The following ZNF521 variants were observed in gnomAD, a reference collection of about 807,000 sequenced individuals.
The protein encoded by ZNF521 is LYST-interacting protein 3.
ZNF521 carries 14 observed loss-of-function variants against 105.5 expected under a neutral mutation model. That is an observed-to-expected ratio of 0.13 (90% CI 0.09 to 0.21). The LOEUF is 0.21. Among genes scored for constraint, ZNF521 ranks in the 10% least tolerant of loss-of-function variants. ZNF521 has a pLI of 1.00. For missense variants in ZNF521, 1,233 were observed against 1,629.7 expected (o/e 0.76, Z 4.19); for synonymous variants, 635 against 606.0 (o/e 1.05, Z -0.70).
chr18:25,246,927 A>G (rs1376545488), intron 3 of ZNF521, among the ~76,000 whole-genome samples: 1 of 152,108 alleles, frequency 6.6e-6, no homozygotes, highest in Non-Finnish European at 1.5e-5. Context: ...GCTTGACAAC[A>G]CCCATTCCCA....
intron 4 of ZNF521, chr18:25,201,811 G>A (rs1345452189): frequency 1.3e-5 from 2 of 152,092 alleles, no homozygotes; most frequent in African/African-American, 2.4e-5. Flanking sequence ...ATAGTTAGTT[G>A]TGTGACAAAT....
chr18:25,241,882 A>C (rs1408282338), intron 3 of ZNF521, among the ~76,000 whole-genome samples: 1 of 152,150 alleles, frequency 6.6e-6, no homozygotes, highest in Admixed American at 6.5e-5. Flanking sequence ...TATTCTATTC[A>C]AACCCACGCT....
At chr18:25,185,418 T>C (rs1380317249) in intron 5 of ZNF521, among the ~76,000 whole-genome samples, 1 of 152,142 alleles carries the variant, frequency 6.6e-6, no homozygotes, top group East Asian at 1.9e-4. Context: ...TCTGCAGTGT[T>C]CCTCAAGATG....
chr18:25,145,799 T>C (rs1391440628), intron 5 of ZNF521, among the ~76,000 whole-genome samples: 2 of 152,182 alleles, frequency 1.3e-5, no homozygotes, highest in African/African-American at 4.8e-5. Context: ...AGCTTTTCCA[T>C]AGGTTTGATT....
At chr18:25,295,254 T>C (rs1287494208) in intron 3 of ZNF521, among the ~76,000 whole-genome samples, 1 of 152,212 alleles carries the variant, frequency 6.6e-6, no homozygotes, top group Non-Finnish European at 1.5e-5. Context: ...AATGGTTCCA[T>C]ACTGTATGTA....
chr18:25,233,032 T>C (rs570662260), intron 3 of ZNF521, among the ~76,000 whole-genome samples: 1 of 152,138 alleles, frequency 6.6e-6, no homozygotes, highest in Non-Finnish European at 1.5e-5. Flanking sequence ...GCACAAACAC[T>C]AAGAGAAGTC....
At chr18:25,141,860 C>G (rs112291031) in intron 5 of ZNF521, among the ~76,000 whole-genome samples, 24 of 152,246 alleles carry the variant, frequency 1.6e-4, no homozygotes, top group African/African-American at 5.8e-4. Context: ...CAAAACATCA[C>G]CATACGACTG....
At chr18:25,284,905 C>CGT (rs1445105903) in intron 3 of ZNF521, among the ~76,000 whole-genome samples, 2 of 148,350 alleles carry the variant, frequency 1.3e-5, no homozygotes, top group Middle Eastern at 3.4e-3. Flanking sequence ...TGTGCGTGCG[C>CGT]GCGCGCACAC....
chr18:25,105,217 G>A (rs1036631909), intron 5 of ZNF521, among the ~76,000 whole-genome samples: 1 of 152,124 alleles, frequency 6.6e-6, no homozygotes, highest in Admixed American at 6.6e-5. Flanking sequence ...GTGACACACA[G>A]GACCTAGAAT....
chr18:25,201,814 T>C (rs2035998196), intron 4 of ZNF521: 1 of 152,190 alleles, frequency 6.6e-6, no homozygotes, highest in South Asian at 2.1e-4. Context: ...GTTAGTTGTG[T>C]GACAAATCAT....
chr18:25,074,108 G>A (rs527438457), intron 7 of ZNF521, among the ~76,000 whole-genome samples: 3 of 152,336 alleles, frequency 2.0e-5, no homozygotes, highest in African/African-American at 7.2e-5. Flanking sequence ...GAATATGCCT[G>A]TGCGCATGTC....
At chr18:25,342,218 C>A (rs1914236153) in intron 2 of ZNF521, among the ~76,000 whole-genome samples, 1 of 152,104 alleles carries the variant, frequency 6.6e-6, no homozygotes, top group African/African-American at 2.4e-5. Context: ...TCTTCTTAAC[C>A]CTTGCCTCAT....
intron 5 of ZNF521, among the ~76,000 whole-genome samples, chr18:25,182,252 AGT>A (rs1252866984): frequency 2.6e-5 from 4 of 152,186 alleles, no homozygotes; most frequent in Admixed American, 6.5e-5. Flanking sequence ...ATTCTGGCAA[AGT>A]TCTCTCTTCA....
At chr18:25,102,189 A>G (rs1420458496) in intron 5 of ZNF521, among the ~76,000 whole-genome samples, 1 of 152,186 alleles carries the variant, frequency 6.6e-6, no homozygotes, top group Non-Finnish European at 1.5e-5. Flanking sequence ...CTGAAATGTG[A>G]TATGGGACAC....
At chr18:25,088,977 T>A (rs753768987) in intron 7 of ZNF521, among the ~76,000 whole-genome samples, 45 of 152,208 alleles carry the variant, frequency 3.0e-4, no homozygotes, top group Admixed American at 2.6e-4. Context: ...AAGGCTTTGG[T>A]TAAGTAACAG....
intron 5 of ZNF521, among the ~76,000 whole-genome samples, chr18:25,123,646 G>A (rs2034486202): frequency 6.6e-6 from 1 of 152,158 alleles, no homozygotes; most frequent in Admixed American, 6.5e-5. Flanking sequence ...TAGACTGTAT[G>A]CAGTGATTTT....
chr18:25,062,749 T>G lies in ZNF521; in HGVS notation c.3907-8A>C. Reference sequence around the variant, plus strand: ...TTGGGTCATTGTATGATTCTGTAAATAACAAAAAAAAAAAAAAAAAAAAAA... The same window carrying G: ...TTGGGTCATTGTATGATTCTGTAAAGAACAAAAAAAAAAAAAAAAAAAAAA... On this transcript the variant is annotated splice_polypyrimidine_tract_variant and splice_region_variant and intron_variant, in intron 7 of 7. Transcript: ENST00000361524. 4.9e-6 allele frequency: 1 copy of G among 204,580 alleles called. No homozygotes were observed. The highest frequency in any genetic ancestry group is 7.1e-6 in the Non-Finnish European group (1 of 140,842). 12.7% of individuals were successfully genotyped at this position (204,580 alleles called of 1,614,324 possible). A position where few individuals can be genotyped will look rare whatever the true frequency, so the allele number is the denominator to read the frequency against.
intron 3 of ZNF521, among the ~76,000 whole-genome samples, chr18:25,239,988 T>TATCAC (rs772029806): frequency 5.2e-4 from 79 of 151,956 alleles, no homozygotes; most frequent in Admixed American, 1.3e-3. Context: ...CATCTTATCT[T>TATCAC]ATCACACACA....
At chr18:25,247,469 T>C (rs1186125683) in intron 3 of ZNF521, among the ~76,000 whole-genome samples, 2 of 152,198 alleles carry the variant, frequency 1.3e-5, no homozygotes, top group African/African-American at 2.4e-5. Context: ...TGGCTGCACA[T>C]TAAAACTGCC....
Sources: allele counts gnomAD v4.1 joint callset (sites outside exome capture counted in the v4.1 genomes callset), GRCh38; gene constraint gnomAD v4.1.1; transcripts MANE v1.5; gene names NCBI Gene and HGNC (gene_info 2026-07-23, HGNC 2026-07-21).